AP3B1: variants seen among roughly 807,000 people sequenced by gnomAD.
The protein encoded by AP3B1 is AP-3 complex subunit beta-1.
A neutral mutation model predicts 132.5 loss-of-function variants in AP3B1; 61 were observed. That is an observed-to-expected ratio of 0.46 (90% CI 0.37 to 0.57). The LOEUF is 0.57. Ranked by LOEUF, AP3B1 falls within the 20% of genes least tolerant of loss-of-function variation. The pLI, the probability that AP3B1 is intolerant of heterozygous loss-of-function variation, is 0.00. For synonymous variants in AP3B1, 388 were observed against 438.3 expected (o/e 0.89, Z 1.43); for missense variants, 1,120 against 1,289.4 (o/e 0.87, Z 2.01).
intron 15 of AP3B1, among the ~76,000 whole-genome samples, chr5:78,132,649 C>T (rs1003418021): frequency 6.6e-6 from 1 of 152,174 alleles, no homozygotes; most frequent in East Asian, 1.9e-4. Context: ...TGCACCTGTA[C>T]GTATTAAATT....
In AP3B1 at chr5:78,294,686, C is replaced by T. The variant is rs1161063343; in HGVS notation, c.-107G>A. 6.4e-7 allele frequency: 1 copy of T among 1,567,372 alleles called. No homozygotes were observed. The highest frequency in any genetic ancestry group is 2.2e-5 in the East Asian group (1 of 44,534). ...ACTAGTTCTCGTACGGAGGAGCGCG[C>T]GCAGGCGCTTCCGGACTCGTCACGG... On this transcript the variant is annotated 5_prime_UTR_variant, in exon 1 of 27. Transcript: ENST00000255194.
intron 7 of AP3B1, among the ~76,000 whole-genome samples, chr5:78,191,190 AC>A (rs1744811723): frequency 2.6e-5 from 4 of 152,186 alleles, no homozygotes; most frequent in Non-Finnish European, 5.9e-5. Context: ...ACTTAGAACA[AC>A]CGCCTGTCAG....
intron 18 of AP3B1, among the ~76,000 whole-genome samples, chr5:78,114,497 A>G (rs1751736634): frequency 6.6e-6 from 1 of 152,180 alleles, no homozygotes; most frequent in Non-Finnish European, 1.5e-5. Context: ...CAAAGAGATG[A>G]TCAAGTTACA....
intron 15 of AP3B1, among the ~76,000 whole-genome samples, chr5:78,136,535 C>A (rs574442578): frequency 6.6e-6 from 1 of 152,116 alleles, no homozygotes; most frequent in South Asian, 2.1e-4. Flanking sequence ...ATGTGTTATG[C>A]GCCATATTCA....
intron 22 of AP3B1, among the ~76,000 whole-genome samples, chr5:78,054,196 A>G (rs1748708871): frequency 6.6e-6 from 1 of 152,222 alleles, no homozygotes; most frequent in South Asian, 2.1e-4. Context: ...ACTGAAGTTC[A>G]GTGGAGGTGA....
intron 7 of AP3B1, among the ~76,000 whole-genome samples, chr5:78,196,744 CAAT>C (rs1745091120): frequency 6.6e-6 from 1 of 152,030 alleles, no homozygotes. Context: ...ATGCATATTA[CAAT>C]ATAAGTGAGA....
intron 11 of AP3B1, among the ~76,000 whole-genome samples, chr5:78,166,085 A>T (rs189853987): frequency 2.9e-4 from 43 of 145,880 alleles, no homozygotes; most frequent in African/African-American, 1.0e-3. Context: ...GCGCCATTGC[A>T]CTCCAGCCTG....
intron 11 of AP3B1, among the ~76,000 whole-genome samples, chr5:78,167,223 GA>G (rs1743672700): frequency 6.6e-6 from 1 of 151,990 alleles, no homozygotes; most frequent in Non-Finnish European, 1.5e-5. Context: ...AAACGGCCAA[GA>G]AGCACATGGA....
intron 1 of AP3B1, among the ~76,000 whole-genome samples, chr5:78,282,001 T>TA (rs1749078871): frequency 6.6e-6 from 1 of 152,216 alleles, no homozygotes; most frequent in South Asian, 2.1e-4. Context: ...AAAAGCTCGT[T>TA]AGACTCCATG....
At chr5:78,155,584 G>A (rs917841237) in intron 14 of AP3B1, among the ~76,000 whole-genome samples, 39 of 152,050 alleles carry the variant, frequency 2.6e-4, no homozygotes, top group African/African-American at 8.2e-4. Flanking sequence ...TACTATATTC[G>A]AAAACATACA....
intron 7 of AP3B1, among the ~76,000 whole-genome samples, chr5:78,193,523 C>CT (rs1313698017): frequency 2.0e-5 from 3 of 151,478 alleles, no homozygotes; most frequent in Admixed American, 6.6e-5. Context: ...ACTAACCATA[C>CT]TTCATATACA....
In AP3B1 at chr5:78,266,227, A is replaced by T. The variant is rs529686764; in HGVS notation, c.204+1293T>A. Among the ~76,000 whole-genome samples the T allele has an allele frequency of 2.0e-5, 3 of 147,646 alleles. No homozygotes were observed. The South Asian group carries it at 6.2e-4, about 31-fold the overall frequency. On this transcript the variant is annotated intron_variant, in intron 2 of 26. Transcript: ENST00000255194. ...TTAGGGGATTGGTGTCACTTAACTA[A>T]ACTGTAGTAACTGAAATTCATATGT...
chr5:78,274,789 G>A (rs1395758031), intron 1 of AP3B1, among the ~76,000 whole-genome samples: 1 of 152,152 alleles, frequency 6.6e-6, no homozygotes, highest in African/African-American at 2.4e-5. Context: ...AGCTGGGCAT[G>A]ATAGTGTGCA....
Position 78,162,863 on chromosome 5 carries a change from T to C in AP3B1, c.1319A>G (p.Asp440Gly), listed in dbSNP as rs769458241. The C allele has an allele frequency of 2.5e-5, 41 of 1,613,936 alleles. No homozygotes were observed. Among genetic ancestry groups the C allele is most frequent in the Non-Finnish European group, 3.1e-5 (37 of 1,179,936 alleles). The part of the protein sequence containing the change: ...RCATNILEVT[D>G]TCLNGLVCLL... ...ACAGACCAAGCCATTGAGGCACGTG[T>C]CAGTGACTTCCAAGATGTTGGTTGC... Residue 440 changes from aspartate (D) to glycine (G), a missense_variant, in exon 13 of 27, where the codon GAC (aspartate) becomes GGC (glycine). By Grantham distance (94) the Asp-to-Gly change is moderately conservative. Coordinates refer to ENST00000255194, the MANE Select transcript of AP3B1 (RefSeq NM_003664.5).
intron 19 of AP3B1, among the ~76,000 whole-genome samples, chr5:78,113,484 T>C (rs1299507437): frequency 1.3e-5 from 2 of 152,230 alleles, no homozygotes; most frequent in African/African-American, 4.8e-5. Context: ...TTCATACCTA[T>C]TGCTTGATCA....
At chr5:78,008,745 T>C (rs564478130) in intron 26 of AP3B1, among the ~76,000 whole-genome samples, 2 of 152,298 alleles carry the variant, frequency 1.3e-5, no homozygotes, top group Middle Eastern at 3.4e-3. Context: ...TTGACAGTAG[T>C]ATCAGGGCTT....
At chr5:78,121,433 T>C (rs1752187526) in intron 17 of AP3B1, among the ~76,000 whole-genome samples, 1 of 151,954 alleles carries the variant, frequency 6.6e-6, no homozygotes, top group Non-Finnish European at 1.5e-5. Flanking sequence ...ATCAACAAAA[T>C]TGATAGACTG....
intron 2 of AP3B1, among the ~76,000 whole-genome samples, chr5:78,263,534 T>C (rs1748189669): frequency 1.3e-5 from 2 of 152,224 alleles, no homozygotes; most frequent in African/African-American, 4.8e-5. Flanking sequence ...AATACTGTGT[T>C]GCACAGAAGT....
At chr5:78,097,209 G>T in intron 21 of AP3B1, among the ~76,000 whole-genome samples, 1 of 125,842 alleles carries the variant, frequency 7.9e-6, no homozygotes, top group African/African-American at 3.1e-5. Flanking sequence ...CCTCTGCCCG[G>T]CCAGCCACCC....
Sources: gnomAD v4.1 joint callset for allele counts (sites outside exome capture counted in the v4.1 genomes callset) on GRCh38, gnomAD v4.1.1 for gene constraint, MANE v1.5 for transcripts, NCBI Gene and HGNC (gene_info 2026-07-23, HGNC 2026-07-21) for gene names.